The following BMPR2 variants were observed in gnomAD, a reference collection of about 807,000 sequenced individuals.
The protein encoded by BMPR2 is bone morphogenetic protein receptor type 2.
In BMPR2, 29 loss-of-function variants were observed where a neutral mutation model predicts 100.8. The ratio of observed to expected loss-of-function variants is 0.29; its 90% confidence interval spans 0.21 to 0.39. BMPR2 has a LOEUF of 0.39. Ranked by LOEUF, BMPR2 falls within the 10% of genes least tolerant of loss-of-function variation. The pLI is 1.00. For missense variants in BMPR2, 1,011 were observed against 1,274.5 expected (o/e 0.79, Z 3.15); for synonymous variants, 382 against 442.3 (o/e 0.86, Z 1.71).
intron 3 of BMPR2, among the ~76,000 whole-genome samples, chr2:202,477,595 C>G (rs1331031709): frequency 6.6e-6 from 1 of 152,070 alleles, no homozygotes; most frequent in Non-Finnish European, 1.5e-5. Context: ...TGAGACCAGC[C>G]TGGCCAATAT....
intron 3 of BMPR2, among the ~76,000 whole-genome samples, chr2:202,483,796 G>T (rs995053991): frequency 3.3e-5 from 5 of 152,276 alleles, no homozygotes; most frequent in Admixed American, 6.5e-5. Flanking sequence ...TGTTACTCAG[G>T]AATGTGTTCT....
At chr2:202,399,449 C>T (rs949406104) in intron 1 of BMPR2, among the ~76,000 whole-genome samples, 1 of 152,084 alleles carries the variant, frequency 6.6e-6, no homozygotes, top group Non-Finnish European at 1.5e-5. Context: ...AAGAGAGATG[C>T]ACAACAAGGG....
chr2:202,440,963 A>G (rs1375074629), intron 1 of BMPR2, among the ~76,000 whole-genome samples: 1 of 150,478 alleles, frequency 6.6e-6, no homozygotes, highest in Non-Finnish European at 1.5e-5. Flanking sequence ...TTTCCCACAT[A>G]GAAAATATTA....
intron 1 of BMPR2, among the ~76,000 whole-genome samples, chr2:202,399,967 A>G (rs994739771): frequency 1.3e-5 from 2 of 152,118 alleles, no homozygotes; most frequent in Non-Finnish European, 2.9e-5. Flanking sequence ...AAAAATTAGC[A>G]GGGTGTGATG....
At chr2:202,513,197 G>A (rs985098497) in intron 3 of BMPR2, among the ~76,000 whole-genome samples, 3 of 151,900 alleles carry the variant, frequency 2.0e-5, no homozygotes, top group Admixed American at 6.6e-5. Flanking sequence ...CCTTGACCTT[G>A]TGGCCTCAAG....
intron 9 of BMPR2, among the ~76,000 whole-genome samples, chr2:202,541,315 A>G (rs1688268104): frequency 6.6e-6 from 1 of 151,896 alleles, no homozygotes; most frequent in African/African-American, 2.4e-5. Context: ...ATGGTGCCAC[A>G]CTCTTGTAGT....
intron 5 of BMPR2, among the ~76,000 whole-genome samples, chr2:202,518,048 G>A (rs1245110675): frequency 4.6e-5 from 6 of 129,234 alleles, no homozygotes; most frequent in East Asian, 2.3e-4. Flanking sequence ...GGATGGTCTC[G>A]ATCTCCTGAC....
Position 202,387,201 on chromosome 2 carries a change from G to A in BMPR2, c.76+9651G>A, listed in dbSNP as rs564213599. On this transcript the variant is annotated intron_variant, in intron 1 of 12. Transcript: ENST00000374580. ...TCTGAAAATTAAATATTTTAGAAGA[G>A]ATTAGGTTTAAGATACCTTATTCTA... 5.0e-4 allele frequency among the ~76,000 whole-genome samples: 76 copies of A among 152,312 alleles called. 1 individual carries two copies. In the South Asian group the frequency reaches 0.016, roughly 31 times the overall value.
At chr2:202,499,171 G>C (rs1039610163) in intron 3 of BMPR2, among the ~76,000 whole-genome samples, 3 of 152,136 alleles carry the variant, frequency 2.0e-5, no homozygotes, top group Non-Finnish European at 4.4e-5. Flanking sequence ...AGCAGATCAA[G>C]GCACACCTGG....
At chr2:202,392,573 T>C (rs1427937067) in intron 1 of BMPR2, among the ~76,000 whole-genome samples, 1 of 152,214 alleles carries the variant, frequency 6.6e-6, no homozygotes, top group Non-Finnish European at 1.5e-5. Flanking sequence ...GTGACCAATA[T>C]CAATTGGGTA....
intron 12 of BMPR2, among the ~76,000 whole-genome samples, chr2:202,557,680 A>G (rs766182739): frequency 6.6e-5 from 10 of 152,134 alleles, no homozygotes; most frequent in Non-Finnish European, 1.2e-4. Context: ...GAAAAAAAAT[A>G]AATAAGCCAT....
At chr2:202,509,302 T>TA (rs1687581932) in intron 3 of BMPR2, among the ~76,000 whole-genome samples, 1 of 152,060 alleles carries the variant, frequency 6.6e-6, no homozygotes, top group African/African-American at 2.4e-5. Flanking sequence ...TATAAAAAGC[T>TA]TTTGTTGCTT....
chr2:202,444,955 A>G (rs563542443), intron 1 of BMPR2, among the ~76,000 whole-genome samples: 1 of 150,090 alleles, frequency 6.7e-6, no homozygotes, highest in South Asian at 2.1e-4. Context: ...TGCCTGGCTA[A>G]TTTTGTATTT....
chr2:202,484,844 C>T (rs1692739114), intron 3 of BMPR2, among the ~76,000 whole-genome samples: 1 of 150,798 alleles, frequency 6.6e-6, no homozygotes, highest in Admixed American at 6.6e-5. Context: ...TGGCGGTTGC[C>T]TGTAGTCCCA....
intron 1 of BMPR2, among the ~76,000 whole-genome samples, chr2:202,431,832 C>T (rs1416279380): frequency 6.6e-6 from 1 of 150,388 alleles, no homozygotes; most frequent in Admixed American, 6.6e-5. Flanking sequence ...GAACTTATTC[C>T]CATTGTTAAG....
intron 10 of BMPR2, among the ~76,000 whole-genome samples, chr2:202,552,301 A>G (rs962208837): frequency 6.6e-6 from 1 of 152,188 alleles, no homozygotes; most frequent in Admixed American, 6.5e-5. Context: ...AGTATCCTTA[A>G]CTGGGGGTAA....
At chr2:202,505,968 T>C (rs1687512268) in intron 3 of BMPR2, among the ~76,000 whole-genome samples, 2 of 152,294 alleles carry the variant, frequency 1.3e-5, no homozygotes, top group South Asian at 4.2e-4. Flanking sequence ...TTTTCCTACC[T>C]AGGTGTCTTA....
chr2:202,450,351 T>A (rs1010192421), intron 1 of BMPR2, among the ~76,000 whole-genome samples: 2 of 152,118 alleles, frequency 1.3e-5, no homozygotes, highest in Admixed American at 6.5e-5. Context: ...ATATGTAAAT[T>A]AAGGGATGAA....
At chr2:202,507,072 T>TAA (rs74622497) in intron 3 of BMPR2, among the ~76,000 whole-genome samples, 5 of 121,588 alleles carry the variant, frequency 4.1e-5, no homozygotes, top group African/African-American at 9.2e-5. Flanking sequence ...GACTCTGCCT[T>TAA]AAAAAAAAAA....
Sources: allele counts gnomAD v4.1 joint callset (sites outside exome capture counted in the v4.1 genomes callset), GRCh38; gene constraint gnomAD v4.1.1; transcripts MANE v1.5; gene names NCBI Gene and HGNC (gene_info 2026-07-23, HGNC 2026-07-21).